LDLRAD4: variants seen among roughly 807,000 people sequenced by gnomAD.
LDLRAD4 encodes low-density lipoprotein receptor class A domain-containing protein 4.
In LDLRAD4, 5 loss-of-function variants were observed where a neutral mutation model predicts 17.0. That is an observed-to-expected ratio of 0.29 (90% confidence interval 0.15 to 0.62). The LOEUF is 0.62. Ranked by LOEUF, LDLRAD4 falls within the 20% of genes least tolerant of loss-of-function variation. The pLI is 0.84. For synonymous variants in LDLRAD4, 168 were observed against 171.8 expected (o/e 0.98, Z 0.17); for missense variants, 340 against 424.7 (o/e 0.80, Z 1.75).
At chr18:13,589,046 A>G (rs2094974003) in intron 3 of LDLRAD4, among the ~76,000 whole-genome samples, 1 of 150,272 alleles carries the variant, frequency 6.7e-6, no homozygotes, top group South Asian at 2.1e-4. Flanking sequence ...CTCCTGCCTC[A>G]GCCTCCCGAG....
chr18:13,224,637 G>A (rs764592879), intron 1 of LDLRAD4, among the ~76,000 whole-genome samples: 9 of 150,982 alleles, frequency 6.0e-5, no homozygotes, highest in Admixed American at 3.9e-4. Flanking sequence ...GTGCCACCAC[G>A]CCCGGCTAAT....
At chr18:13,237,709 G>T (rs887436697) in intron 1 of LDLRAD4, among the ~76,000 whole-genome samples, 3 of 152,178 alleles carry the variant, frequency 2.0e-5, no homozygotes, top group Non-Finnish European at 2.9e-5. Flanking sequence ...GATCACTCAA[G>T]ACCTCTGGCC....
chr18:13,322,710 C>T (rs1489112257), intron 1 of LDLRAD4, among the ~76,000 whole-genome samples: 3 of 152,020 alleles, frequency 2.0e-5, no homozygotes, highest in African/African-American at 4.8e-5. Context: ...CTCTGCCTCC[C>T]GAGTTCAAAA....
At chr18:13,250,657 C>T (rs546589282) in intron 1 of LDLRAD4, among the ~76,000 whole-genome samples, 1 of 152,154 alleles carries the variant, frequency 6.6e-6, no homozygotes, top group Non-Finnish European at 1.5e-5. Flanking sequence ...TTCCTGGACA[C>T]ATGCAGCCTA....
At chr18:13,540,392 A>T (rs768156750) in intron 3 of LDLRAD4, among the ~76,000 whole-genome samples, 3 of 152,250 alleles carry the variant, frequency 2.0e-5, no homozygotes, top group Non-Finnish European at 2.9e-5. Context: ...CAAGCCAAGG[A>T]AACAGGAAAT....
intron 3 of LDLRAD4, among the ~76,000 whole-genome samples, chr18:13,604,029 C>T (rs2095194703): frequency 6.6e-6 from 1 of 152,228 alleles, no homozygotes; most frequent in Non-Finnish European, 1.5e-5. Flanking sequence ...ATCTGTGTGT[C>T]AGGCTAGTCT....
At chr18:13,396,657 A>T (rs2086721615) in intron 2 of LDLRAD4, among the ~76,000 whole-genome samples, 2 of 151,888 alleles carry the variant, frequency 1.3e-5, no homozygotes, top group Non-Finnish European at 2.9e-5. Flanking sequence ...CTAATTGTTT[A>T]TTTTTTGTAG....
At chr18:13,250,025 G>T (rs527665456) in intron 1 of LDLRAD4, among the ~76,000 whole-genome samples, 8 of 152,318 alleles carry the variant, frequency 5.3e-5, no homozygotes, top group African/African-American at 1.9e-4. Context: ...TGTGCAGGAA[G>T]TGCTGGTTTG....
At chr18:13,393,230 G>A (rs2086411390) in intron 2 of LDLRAD4, among the ~76,000 whole-genome samples, 1 of 152,212 alleles carries the variant, frequency 6.6e-6, no homozygotes, top group South Asian at 2.1e-4. Context: ...GATATTGAGA[G>A]CTGTTCCTCC....
chr18:13,319,181 T>C (rs542837736), intron 1 of LDLRAD4, among the ~76,000 whole-genome samples: 1 of 152,376 alleles, frequency 6.6e-6, no homozygotes, highest in African/African-American at 2.4e-5. Flanking sequence ...CTCTCTGTCA[T>C]GGCACCTTTT....
At chr18:13,616,502 G>A (rs1353068133) in intron 3 of LDLRAD4, among the ~76,000 whole-genome samples, 1 of 152,180 alleles carries the variant, frequency 6.6e-6, no homozygotes, top group African/African-American at 2.4e-5. Context: ...CGAGAAGGAG[G>A]TCTGTTTCCA....
In LDLRAD4 at chr18:13,367,135, T is replaced by C. The variant is rs1447336307; in HGVS notation, c.-382-20206T>C. 1.3e-5 allele frequency among the ~76,000 whole-genome samples: 2 copies of C among 152,188 alleles called. No individual in the cohort carries two copies. Among genetic ancestry groups the C allele is most frequent in the African/African-American group, 2.4e-5 (1 of 41,442 alleles). On this transcript the variant is annotated intron_variant, in intron 1 of 5. Coordinates refer to ENST00000359446, the Ensembl canonical transcript of LDLRAD4. The surrounding 1 kb of genome is among the most constrained non-coding windows in gnomAD (Gnocchi z 4.1). ...TGGGTGTCACACAGAACAGTCCTGT[T>C]GCTGTCCACAGGGAAGTCCTGTGGC...
intron 3 of LDLRAD4, among the ~76,000 whole-genome samples, chr18:13,550,596 T>C (rs1262106778): frequency 6.6e-6 from 1 of 152,206 alleles, no homozygotes; most frequent in Non-Finnish European, 1.5e-5. Context: ...GTGCTGGCGA[T>C]GTTGATGCCA....
At chr18:13,449,089 A>G (rs1385914751) in intron 3 of LDLRAD4, among the ~76,000 whole-genome samples, 1 of 152,240 alleles carries the variant, frequency 6.6e-6, no homozygotes, top group African/African-American at 2.4e-5. Context: ...GAAAACAGAG[A>G]TCAAAGATAA....
intron 2 of LDLRAD4, among the ~76,000 whole-genome samples, chr18:13,434,027 C>T (rs1313504806): frequency 1.3e-5 from 2 of 152,174 alleles, no homozygotes; most frequent in East Asian, 3.8e-4. Flanking sequence ...CCTGCTTCCT[C>T]ACCTGGGAGG....
chr18:13,376,494 T>C (rs2084921613), intron 1 of LDLRAD4, among the ~76,000 whole-genome samples: 1 of 152,094 alleles, frequency 6.6e-6, no homozygotes, highest in Non-Finnish European at 1.5e-5. Flanking sequence ...TCCCAGGAAT[T>C]CTCCTGCCTG....
At chr18:13,360,180 C>T (rs951689185) in intron 1 of LDLRAD4, among the ~76,000 whole-genome samples, 2 of 152,210 alleles carry the variant, frequency 1.3e-5, no homozygotes, top group Admixed American at 6.5e-5. Context: ...ACCCAGGCTT[C>T]TGACCTTCCT....
At chr18:13,449,095 G>A (rs2091623567) in intron 3 of LDLRAD4, among the ~76,000 whole-genome samples, 1 of 152,180 alleles carries the variant, frequency 6.6e-6, no homozygotes, top group Non-Finnish European at 1.5e-5. Flanking sequence ...AGAGATCAAA[G>A]ATAAAAAATA....
intron 1 of LDLRAD4, among the ~76,000 whole-genome samples, chr18:13,245,027 A>G (rs897621356): frequency 6.6e-6 from 1 of 152,146 alleles, no homozygotes; most frequent in Non-Finnish European, 1.5e-5. Context: ...CCTGGGGAGC[A>G]TGTCATCTGC....
Sources: gnomAD v4.1 joint callset for allele counts (sites outside exome capture counted in the v4.1 genomes callset) on GRCh38, gnomAD v4.1.1 for gene constraint, Gnocchi (gnomAD v3.1) non-coding constraint, MANE v1.5 for transcripts, NCBI Gene and HGNC (gene_info 2026-07-23, HGNC 2026-07-21) for gene names.